Variants in ARPC2 observed in about 807,000 individuals in gnomAD.
ARPC2 encodes actin related protein 2/3 complex subunit 2.
Under a neutral mutation model 38.6 loss-of-function variants are expected in ARPC2, and 4 were observed. That is an observed-to-expected ratio of 0.10 (90% CI 0.05 to 0.24). The LOEUF (loss-of-function observed/expected upper bound fraction) is 0.24, where lower values mean the gene tolerates loss of function less well. Ranked by LOEUF, ARPC2 falls within the 10% of genes least tolerant of loss-of-function variation. The probability of loss-of-function intolerance (pLI) is 1.00; values close to 1 mark genes in which losing one functional copy is unlikely to be tolerated. For synonymous variants in ARPC2, 125 were observed against 140.8 expected (o/e 0.89, Z 0.79); for missense variants, 229 against 387.3 (o/e 0.59, Z 3.43).
At chr2:218,226,398 G>A (rs1241843170) in intron 3 of ARPC2, among the ~76,000 whole-genome samples, 2 of 151,922 alleles carry the variant, frequency 1.3e-5, no homozygotes, top group Admixed American at 6.6e-5. Flanking sequence ...GGGAGGCCAC[G>A]GCAGGCGGAT....
chr2:218,233,931 G>A (rs962515464), intron 4 of ARPC2: 4 of 155,676 alleles, frequency 2.6e-5, no homozygotes, highest in South Asian at 3.8e-4. Flanking sequence ...TTGGGAGGAC[G>A]AGGCGGGTGG....
chr2:218,237,715 C>A (rs562947506), intron 5 of ARPC2, among the ~76,000 whole-genome samples: 1 of 151,824 alleles, frequency 6.6e-6, no homozygotes, highest in Non-Finnish European at 1.5e-5. Context: ...TACAGGCGCC[C>A]GCCACCATGC....
chr2:218,229,682 A>G (rs1689585376), intron 4 of ARPC2, among the ~76,000 whole-genome samples: 3 of 152,228 alleles, frequency 2.0e-5, no homozygotes, highest in Admixed American at 1.3e-4. Flanking sequence ...TATGGTCAAA[A>G]GCTTGTTTAA....
rs1690145078 is a variant in ARPC2 at position 218,250,002 on chromosome 2, C to G, written c.878+81C>G. The G allele has an allele frequency of 2.5e-6, 3 of 1,217,344 alleles. No homozygotes were observed. The South Asian group carries it at 4.0e-5, about 16-fold the overall frequency. 75.4% of individuals were successfully genotyped at this position (1,217,344 alleles called of 1,614,324 possible). On this transcript the variant is annotated intron_variant, in intron 10 of 10. Coordinates refer to ENST00000315717, the MANE Select transcript of ARPC2 (RefSeq NM_152862.3). ...AGCAGTGGGCGCTGGTGGCCTGGTC[C>G]TCCATGTATCTGGGCACTGGCTACA...
intron 8 of ARPC2, 56 bp from the exon 9 acceptor site, chr2:218,249,308 C>T: frequency 7.8e-7 from 1 of 1,279,976 alleles, no homozygotes; most frequent in Non-Finnish European, 1.1e-6. Context: ...TGTTCTTCCC[C>T]ACCCTTTGGC....
chr2:218,246,020 C>T (rs1203703173), intron 8 of ARPC2, among the ~76,000 whole-genome samples: 1 of 151,898 alleles, frequency 6.6e-6, no homozygotes, highest in Non-Finnish European at 1.5e-5. Flanking sequence ...TCAAGATCAT[C>T]CTGGCCAATG....
intron 2 of ARPC2, among the ~76,000 whole-genome samples, chr2:218,221,807 T>TA (rs1466613073): frequency 6.6e-6 from 1 of 152,212 alleles, no homozygotes; most frequent in African/African-American, 2.4e-5. Flanking sequence ...GACCACCTCT[T>TA]ACCTAATATG....
intron 8 of ARPC2, 89 bp from the exon 9 acceptor site, chr2:218,249,275 G>A (rs1690122307): frequency 1.2e-6 from 1 of 845,068 alleles, no homozygotes; most frequent in African/African-American, 1.7e-5. Context: ...TAAGCAGAGA[G>A]GGAGTGATGT....
At chr2:218,236,804 A>T (rs1156556753) in intron 5 of ARPC2, 2 of 151,994 alleles carry the variant, frequency 1.3e-5, no homozygotes, top group African/African-American at 4.8e-5. Context: ...AAAAAAAAAA[A>T]ATACAGATCT....
chr2:218,241,326 T>C (rs907216023), intron 7 of ARPC2, among the ~76,000 whole-genome samples: 27 of 152,184 alleles, frequency 1.8e-4, no homozygotes. Context: ...GAAACTAGTT[T>C]GGGAGTCACT....
At chr2:218,222,778 G>A (rs1346707021) in intron 2 of ARPC2, among the ~76,000 whole-genome samples, 1 of 152,140 alleles carries the variant, frequency 6.6e-6, no homozygotes, top group Non-Finnish European at 1.5e-5. Context: ...TCATTTCTGT[G>A]ACAGATAGTG....
At chr2:218,229,397 G>A (rs2106147498) in intron 4 of ARPC2, 1 of 152,476 alleles carries the variant, frequency 6.6e-6, no homozygotes, top group East Asian at 1.9e-4. Context: ...TAGTTAAGTA[G>A]CAGGTTTGGT....
At chr2:218,238,590 CTTTT>C (rs34654904) in intron 5 of ARPC2, 70 bp from the exon 6 acceptor site, 73,098 of 420,774 alleles carry the variant, frequency 0.17, 45 homozygotes, top group South Asian at 0.22. Flanking sequence ...TAGTATGCTG[CTTTT>C]TTTTTTTTTT....
intron 5 of ARPC2, among the ~76,000 whole-genome samples, chr2:218,237,856 C>T (rs1219829368): frequency 6.6e-6 from 1 of 152,190 alleles, no homozygotes; most frequent in East Asian, 1.9e-4. Flanking sequence ...GTGTGAGCCA[C>T]CACACCCAGC....
chr2:218,228,658 G>A (rs1689563579), intron 3 of ARPC2, 80 bp from the exon 4 acceptor site: 1 of 787,200 alleles, frequency 1.3e-6, no homozygotes, highest in Non-Finnish European at 2.1e-6. Context: ...TCTTCCTTGT[G>A]GCCTACGGCA....
At chr2:218,245,649 A>T (rs1690013797) in intron 8 of ARPC2, 103 bp downstream of exon 8, 7 of 1,464,244 alleles carry the variant, frequency 4.8e-6, no homozygotes, top group Non-Finnish European at 6.5e-6. Context: ...AGGTAGGCAA[A>T]CGCAGGCATA....
intron 4 of ARPC2, among the ~76,000 whole-genome samples, chr2:218,230,332 C>T (rs1425454958): frequency 7.9e-6 from 1 of 126,598 alleles, no homozygotes; most frequent in Non-Finnish European, 1.6e-5. Flanking sequence ...TGTTCTGTCA[C>T]CTAGGCTGGA....
chr2:218,218,078 A>G lies in ARPC2; in HGVS notation c.74+534A>G, dbSNP rs1368181750. ...GAAGACTAAAAGCCGACCCAGTCTT[A>G]GAGCCGGAAAAACGCGATCTCTGGT... On this transcript the variant is annotated intron_variant, in intron 2 of 10. Coordinates refer to ENST00000315717, the MANE Select transcript of ARPC2 (RefSeq NM_152862.3). Among the ~76,000 whole-genome samples, 4 of 152,198 alleles carry G rather than the reference A, an allele frequency of 2.6e-5. No homozygotes were observed. In the East Asian group the frequency reaches 5.8e-4, roughly 22 times the overall value.
intron 4 of ARPC2, among the ~76,000 whole-genome samples, chr2:218,230,429 C>A (rs1038843434): frequency 6.6e-6 from 1 of 150,390 alleles, no homozygotes; most frequent in African/African-American, 2.4e-5. Flanking sequence ...GTGTCTGGGA[C>A]TACAGGCACG....
Sources: allele counts gnomAD v4.1 joint callset (sites outside exome capture counted in the v4.1 genomes callset), GRCh38; gene constraint gnomAD v4.1.1; transcripts MANE v1.5; gene names NCBI Gene and HGNC (gene_info 2026-07-23, HGNC 2026-07-21).